OR1J2: variants seen among roughly 807,000 people sequenced by gnomAD.
OR1J2 encodes the protein olfactory receptor family 1 subfamily J member 2.
For synonymous variants in OR1J2, 142 were observed against 99.7 expected (o/e 1.42, Z -2.52); for missense variants, 304 against 246.1 (o/e 1.24, Z -1.57).
chr9:122,486,086 G>A, the OR1J2 span, among the ~76,000 whole-genome samples: 5 of 151,268 alleles, frequency 3.3e-5, no homozygotes, highest in East Asian at 2.0e-4. Context: ...TCAGCCTCCC[G>A]AGTAGCTGGG....
At chr9:122,558,310 G>GTTTTTTTTTTTTTTTTTTTTTTTT in the OR1J2 span, among the ~76,000 whole-genome samples, 1 of 24,212 alleles carries the variant, frequency 4.1e-5, no homozygotes, top group African/African-American at 1.6e-4. Context: ...TTTGGATTTT[G>GTTTTTTTTTTTTTTTTTTTTTTTT]CTTTTTTTTT....
At chr9:122,533,002 G>C in the OR1J2 span, among the ~76,000 whole-genome samples, 31,401 of 151,502 alleles carry the variant, frequency 0.21, 3,573 homozygotes, top group Middle Eastern at 0.29. Context: ...GTCTGTGAAG[G>C]CTTGCGGCAG....
downstream of OR1J2, among the ~76,000 whole-genome samples, chr9:122,515,672 A>G (rs190019169): frequency 1.3e-5 from 2 of 152,228 alleles, no homozygotes; most frequent in Admixed American, 1.3e-4. Flanking sequence ...ATTTCTTTCC[A>G]AAGTCCCTGA....
the OR1J2 span, among the ~76,000 whole-genome samples, chr9:122,520,895 G>A: frequency 1.3e-5 from 2 of 152,012 alleles, no homozygotes; most frequent in Non-Finnish European, 2.9e-5. Context: ...TATGGTCTCC[G>A]CCATCCAGTG....
chr9:122,567,345 C>G, the OR1J2 span: 2 of 435,744 alleles, frequency 4.6e-6, no homozygotes, highest in East Asian at 6.8e-5. Context: ...AAAGAGGAGA[C>G]ACAGACAGGA....
the OR1J2 span, among the ~76,000 whole-genome samples, chr9:122,457,961 C>T: frequency 3.2e-3 from 481 of 152,224 alleles, 2 homozygotes; most frequent in Admixed American, 7.1e-3. Context: ...TAAGACTGTA[C>T]AATAGATAAC....
chr9:122,453,472 T>C, the OR1J2 span, among the ~76,000 whole-genome samples: 6 of 152,304 alleles, frequency 3.9e-5, no homozygotes, highest in Admixed American at 3.9e-4. Context: ...GGGTCTGTGA[T>C]CACAAGTGTT....
chr9:122,565,034 C>T, the OR1J2 span, among the ~76,000 whole-genome samples: 1 of 152,176 alleles, frequency 6.6e-6, no homozygotes, highest in African/African-American at 2.4e-5. Flanking sequence ...ATTCAAGGGA[C>T]TTATACTTCC....
chr9:122,453,370 A>G, the OR1J2 span, among the ~76,000 whole-genome samples: 1 of 152,202 alleles, frequency 6.6e-6, no homozygotes, highest in Non-Finnish European at 1.5e-5. Context: ...TTTAGACCAC[A>G]AGCATGAGTC....
At chr9:122,467,010 G>A in the OR1J2 span, among the ~76,000 whole-genome samples, 1 of 151,930 alleles carries the variant, frequency 6.6e-6, no homozygotes, top group Admixed American at 6.6e-5. Flanking sequence ...TAGTAGAGAC[G>A]GGGTTTCACC....
chr9:122,574,072 A>T, the OR1J2 span, among the ~76,000 whole-genome samples: 1 of 152,024 alleles, frequency 6.6e-6, no homozygotes, highest in Non-Finnish European at 1.5e-5. Context: ...TGTACCATTG[A>T]TCTATTTGCC....
chr9:122,567,753 C>T, the OR1J2 span: 6 of 1,614,070 alleles, frequency 3.7e-6, no homozygotes, highest in Admixed American at 8.3e-5. Context: ...GTAAAAACCA[C>T]AGGTGGAGAA....
chr9:122,510,856 A>G lies in OR1J2; in HGVS notation c.55A>G (p.Ile19Val). ...CGAGTTCCTCCTTCTGGGCCTCCCC[A>G]TCCGGCCAGAGCAGCAGGCTGTGTT... Reference protein sequence around the residue: ...VSEFLLLGLPIRPEQQAVFFT... With the variant: ...VSEFLLLGLPVRPEQQAVFFT... Residue 19 changes from isoleucine to valine, a missense_variant, in exon 1 of 1, where the codon ATC becomes GTC. By Grantham distance (29) the Ile-to-Val change is conservative. Transcript: ENST00000335302. The G allele has an allele frequency of 6.2e-7, 1 of 1,609,904 alleles. No homozygotes were observed. Among genetic ancestry groups the G allele is most frequent in the East Asian group, 2.2e-5 (1 of 44,852 alleles).
At chr9:122,450,801 A>G in the OR1J2 span, among the ~76,000 whole-genome samples, 1 of 151,908 alleles carries the variant, frequency 6.6e-6, no homozygotes, top group Non-Finnish European at 1.5e-5. Flanking sequence ...CTTTACTTCT[A>G]TGAATTTGAC....
chr9:122,508,141 GGA>G (rs61130450), upstream of OR1J2, among the ~76,000 whole-genome samples: 12,519 of 144,628 alleles, frequency 0.087, 626 homozygotes, highest in Middle Eastern at 0.13. Flanking sequence ...AGAGAGAGAG[GGA>G]GAGAGAGAGA....
the OR1J2 span, among the ~76,000 whole-genome samples, chr9:122,517,360 A>G: frequency 6.6e-6 from 1 of 152,108 alleles, no homozygotes; most frequent in Non-Finnish European, 1.5e-5. Context: ...CCTTTTCTCT[A>G]TGGGTCCATT....
At chr9:122,491,718 A>G in the OR1J2 span, among the ~76,000 whole-genome samples, 3 of 152,328 alleles carry the variant, frequency 2.0e-5, no homozygotes, top group African/African-American at 7.2e-5. Flanking sequence ...AGTGCATTGA[A>G]TAATAAACAG....
At chr9:122,481,278 G>A in the OR1J2 span, among the ~76,000 whole-genome samples, 2 of 152,112 alleles carry the variant, frequency 1.3e-5, no homozygotes, top group Admixed American at 6.5e-5. Flanking sequence ...GATCTCATTC[G>A]TTTTTCATGG....
the OR1J2 span, among the ~76,000 whole-genome samples, chr9:122,467,829 C>T: frequency 1.3e-5 from 2 of 152,142 alleles, no homozygotes; most frequent in African/African-American, 4.8e-5. Context: ...TATTACAAAG[C>T]ACCCAGTGGT....
Sources: allele counts gnomAD v4.1 joint callset (sites outside exome capture counted in the v4.1 genomes callset), GRCh38; gene constraint gnomAD v4.1.1; transcripts MANE v1.5; gene names NCBI Gene and HGNC (gene_info 2026-07-23, HGNC 2026-07-21).